The following GRID2 variants were observed in gnomAD, a reference collection of about 807,000 sequenced individuals.
The protein encoded by GRID2 is glutamate ionotropic receptor delta type subunit 2.
A neutral mutation model predicts 114.8 loss-of-function variants in GRID2; 33 were observed. The ratio of observed to expected loss-of-function variants is 0.29; its 90% CI spans 0.22 to 0.38. GRID2 has a LOEUF of 0.38. Ranked by LOEUF, GRID2 falls within the 10% of genes least tolerant of loss-of-function variation. The pLI, the probability that GRID2 is intolerant of heterozygous loss-of-function variation, is 1.00. For missense variants in GRID2, 1,184 were observed against 1,257.7 expected (o/e 0.94, Z 0.89); for synonymous variants, 505 against 449.9 (o/e 1.12, Z -1.55).
chr4:93,769,534 G>T, intron 15 of GRID2, 84 bp downstream of exon 15: 2 of 1,267,810 alleles, frequency 1.6e-6, no homozygotes, highest in South Asian at 2.6e-5. Flanking sequence ...GAGGATAATG[G>T]GTTGGGGGTG....
chr4:93,075,861 T>C (rs1431929183), intron 2 of GRID2, among the ~76,000 whole-genome samples: 1 of 149,576 alleles, frequency 6.7e-6, no homozygotes, highest in African/African-American at 2.5e-5. Context: ...TCAGTAAGTA[T>C]TGGGATGTCG....
intron 14 of GRID2, among the ~76,000 whole-genome samples, chr4:93,653,361 A>G (rs1294673669): frequency 6.6e-6 from 1 of 152,192 alleles, no homozygotes; most frequent in Non-Finnish European, 1.5e-5. Flanking sequence ...AACTTCTCCT[A>G]AGGCACCTGC....
At chr4:92,788,340 G>T (rs978903965) in intron 2 of GRID2, among the ~76,000 whole-genome samples, 1 of 151,836 alleles carries the variant, frequency 6.6e-6, no homozygotes, top group African/African-American at 2.4e-5. Context: ...GTGTTATAGA[G>T]TAATGAAGAC....
chr4:93,456,057 T>G, intron 11 of GRID2, 83 bp downstream of exon 11: 1 of 790,830 alleles, frequency 1.3e-6, no homozygotes, highest in East Asian at 2.5e-5. Flanking sequence ...AATAAGGTTC[T>G]GTATCTGACA....
chr4:93,577,605 C>A lies in GRID2; in HGVS notation c.2194-48664C>A, dbSNP rs554069449. ...TTTTGGTGCATATTTATTCATGGAA[C>A]AAATGCTATGTGCCAGACCACAGGA... On this transcript the variant is annotated intron_variant, in intron 13 of 15. Coordinates refer to ENST00000282020, the MANE Select transcript of GRID2 (RefSeq NM_001510.4). Among the ~76,000 whole-genome samples, 6 of 152,258 alleles carry A rather than the reference C, an allele frequency of 3.9e-5. 1 individual carries two copies. Among genetic ancestry groups the A allele is most frequent in the African/African-American group, 1.4e-4 (6 of 41,564 alleles).
At chr4:93,584,104 C>G (rs1334325580) in intron 13 of GRID2, among the ~76,000 whole-genome samples, 1 of 152,128 alleles carries the variant, frequency 6.6e-6, no homozygotes, top group Non-Finnish European at 1.5e-5. Flanking sequence ...AAAGACACAA[C>G]TGTTTCTGAG....
chr4:92,965,196 CAT>C (rs1197696497), intron 2 of GRID2, among the ~76,000 whole-genome samples: 1 of 151,662 alleles, frequency 6.6e-6, no homozygotes, highest in Non-Finnish European at 1.5e-5. Context: ...AATCAGAACA[CAT>C]GTGGTGTTTA....
At chr4:93,275,085 A>G (rs1751903704) in intron 8 of GRID2, among the ~76,000 whole-genome samples, 1 of 151,848 alleles carries the variant, frequency 6.6e-6, no homozygotes, top group Non-Finnish European at 1.5e-5. Context: ...CCCTTTTCTC[A>G]GCCTCTGACA....
chr4:92,874,530 A>G (rs968280825), intron 2 of GRID2, among the ~76,000 whole-genome samples: 2 of 152,178 alleles, frequency 1.3e-5, no homozygotes, highest in African/African-American at 2.4e-5. Context: ...TTACAACACT[A>G]TTTTAAACAT....
chr4:93,243,057 GC>G (rs1336118287), intron 8 of GRID2, among the ~76,000 whole-genome samples: 4 of 151,882 alleles, frequency 2.6e-5, no homozygotes, highest in Non-Finnish European at 2.9e-5. Context: ...ATTATGAAAG[GC>G]ACTATAAATA....
intron 4 of GRID2, among the ~76,000 whole-genome samples, chr4:93,159,693 A>ATTTTTTTTTTTTTTT (rs34480915): frequency 1.5e-5 from 2 of 131,090 alleles, no homozygotes; most frequent in African/African-American, 2.8e-5. Context: ...TTCCATCTGC[A>ATTTTTTTTTTTTTTT]TTTTTTTTTT....
At position 93,528,710 on chromosome 4, in the gene GRID2, A is replaced by G. The variant is rs1272845526; in HGVS notation, c.2193+13299A>G. Among the ~76,000 whole-genome samples the G allele has an allele frequency of 5.9e-5, 9 of 152,150 alleles. No individual in the cohort carries two copies. The South Asian group carries it at 1.0e-3, about 18-fold the overall frequency. ...TGATTCTCAAAGACAGAAGAGACCA[A>G]TAACCTATTAACCAGCCCCCAGCAA... On this transcript the variant is annotated intron_variant, in intron 13 of 15. Transcript: ENST00000282020.
At chr4:92,963,391 T>C (rs1307889931) in intron 2 of GRID2, among the ~76,000 whole-genome samples, 3 of 152,018 alleles carry the variant, frequency 2.0e-5, no homozygotes, top group African/African-American at 7.2e-5. Context: ...GTTTATGTAA[T>C]ATTCGAAATC....
intron 13 of GRID2, among the ~76,000 whole-genome samples, chr4:93,624,559 TTCTTGTGTCTATTGAAAGA>T (rs1222503211): frequency 6.6e-6 from 1 of 152,190 alleles, no homozygotes; most frequent in African/African-American, 2.4e-5. Flanking sequence ...CCAAGTATCT[TTCTTGTGTCTATTGAAAGA>T]TCATTTAAAA....
At chr4:93,291,483 T>TTA (rs1753754664) in intron 8 of GRID2, among the ~76,000 whole-genome samples, 1 of 152,182 alleles carries the variant, frequency 6.6e-6, no homozygotes, top group African/African-American at 2.4e-5. Flanking sequence ...GTAAACACTA[T>TTA]ATATTAATCC....
intron 1 of GRID2, among the ~76,000 whole-genome samples, chr4:92,534,788 T>G (rs1387941432): frequency 6.6e-6 from 1 of 152,158 alleles, no homozygotes; most frequent in Non-Finnish European, 1.5e-5. Context: ...TCAACATTAT[T>G]TTAATATTTT....
chr4:93,353,728 G>A (rs934918802), intron 8 of GRID2, among the ~76,000 whole-genome samples: 1 of 152,070 alleles, frequency 6.6e-6, no homozygotes, highest in African/African-American at 2.4e-5. Flanking sequence ...TAAAAATCAT[G>A]CGTAATACAA....
chr4:92,363,819 CTT>C (rs11342142), intron 1 of GRID2, among the ~76,000 whole-genome samples: 27 of 124,096 alleles, frequency 2.2e-4, no homozygotes, highest in Middle Eastern at 4.3e-3. Flanking sequence ...ATTAAGTTTA[CTT>C]TTTTTTTTTT....
chr4:93,238,459 A>C lies in GRID2; in HGVS notation c.1214A>C (p.Tyr405Ser). The C allele has an allele frequency of 2.5e-6, 4 of 1,610,168 alleles. No individual in the cohort carries two copies. The highest frequency in any genetic ancestry group is 3.4e-6 in the Non-Finnish European group (4 of 1,176,938). The change falls in exon 8 of 16, where the codon TAT becomes TCT. Residue 405 changes from tyrosine to serine, a missense_variant. Tyr to Ser is a moderately radical substitution (Grantham distance 144). This residue lies in a region of GRID2 where 717 missense variants were observed against 796.9 expected (regional missense o/e 0.90). Transcript: ENST00000282020. ...NVHFEILGTNYGEELGRGVRK... is the reference protein window; with the variant it reads ...NVHFEILGTNSGEELGRGVRK... ...CACTTTGAAATCCTTGGAACCAACT[A>C]TGGAGAAGAGCTTGGCAGAGGTGTT... is the stretch of plus-strand genomic sequence containing the variant.
Sources: allele counts gnomAD v4.1 joint callset (sites outside exome capture counted in the v4.1 genomes callset), GRCh38; gene constraint gnomAD v4.1.1; regional missense constraint gnomAD v4.1.1; transcripts MANE v1.5; gene names NCBI Gene and HGNC (gene_info 2026-07-23, HGNC 2026-07-21).